MAP3K7: variants seen among roughly 807,000 people sequenced by gnomAD.
MAP3K7 encodes TGF-beta activated kinase 1.
MAP3K7 carries 21 observed loss-of-function variants against 84.8 expected under a neutral mutation model. That is an observed-to-expected ratio of 0.25 (90% CI 0.18 to 0.36). MAP3K7 has a LOEUF of 0.36. Among genes scored for constraint, MAP3K7 ranks in the 10% least tolerant of loss-of-function variants. The pLI, the probability that MAP3K7 is intolerant of heterozygous loss-of-function variation, is 1.00. For missense variants in MAP3K7, 503 were observed against 747.7 expected (o/e 0.67, Z 3.82); for synonymous variants, 241 against 247.7 (o/e 0.97, Z 0.25).
At chr6:90,577,707 G>A (rs2127783715) in intron 1 of MAP3K7, among the ~76,000 whole-genome samples, 1 of 152,330 alleles carries the variant, frequency 6.6e-6, no homozygotes, top group African/African-American at 2.4e-5. Flanking sequence ...CTCTAAAAGT[G>A]TGGTCTCCGG....
chr6:90,551,938 T>C lies in MAP3K7; in HGVS notation c.867+111A>G, dbSNP rs74320322. The stretch of plus-strand genomic sequence containing the variant: ...AATGCCCATTCTCACTTAGAAAACA[T>C]AGCAATATATAAAGCAGAATATAGT... On this transcript the variant is annotated intron_variant, in intron 8 of 16. Transcript: ENST00000369329. 617 of 1,187,018 alleles carry C rather than the reference T, an allele frequency of 5.2e-4. 5 individuals carry two copies. The African/African-American group carries it at 8.4e-3, about 16-fold the overall frequency. The allele number at this position is 1,187,018 out of a possible 1,614,324, so 73.5% of individuals were successfully genotyped here.
intron 3 of MAP3K7, among the ~76,000 whole-genome samples, chr6:90,562,200 G>A (rs1401932952): frequency 6.6e-6 from 1 of 152,214 alleles, no homozygotes; most frequent in Admixed American, 6.5e-5. Flanking sequence ...TCCAACTGAG[G>A]TACAGGGTTC....
intron 13 of MAP3K7, among the ~76,000 whole-genome samples, chr6:90,526,904 A>G (rs182248535): frequency 3.9e-5 from 6 of 152,252 alleles, no homozygotes; most frequent in Admixed American, 6.5e-5. Flanking sequence ...GTAAAAATCA[A>G]TATGTAAGGA....
rs916019605 is a variant in MAP3K7, at chr6:90,513,898, A to C, written c.*2603T>G. 3 of 152,110 alleles carry C rather than the reference A, an allele frequency of 2.0e-5. No individual in the cohort carries two copies. Among genetic ancestry groups the C allele is most frequent in the Non-Finnish European group, 4.4e-5 (3 of 67,994 alleles). 9.4% of individuals were successfully genotyped at this position (152,110 alleles called of 1,614,324 possible). On this transcript the variant is annotated 3_prime_UTR_variant, in exon 17 of 17. Coordinates refer to ENST00000369329, the MANE Select transcript of MAP3K7 (RefSeq NM_145331.3). ...AATACTTCAGCAAAAATAGTCAAACATCCGTAAACAACTTGTAACAAATCT... is the reference window on the plus strand; with the variant it reads ...AATACTTCAGCAAAAATAGTCAAACCTCCGTAAACAACTTGTAACAAATCT...
chr6:90,530,695 A>C (rs1224065955), intron 13 of MAP3K7, among the ~76,000 whole-genome samples: 1 of 152,222 alleles, frequency 6.6e-6, no homozygotes, highest in African/African-American at 2.4e-5. Context: ...TTTGTATAAA[A>C]AAACTAAGGA....
In MAP3K7 at chr6:90,558,308, C is replaced by T. The variant is rs35578586; in HGVS notation, c.483-1684G>A. 6.0e-3 allele frequency among the ~76,000 whole-genome samples: 902 copies of T among 151,334 alleles called. 14 individuals are homozygous for T. Among genetic ancestry groups the T allele is most frequent in the African/African-American group, 0.021 (861 of 41,170 alleles). On this transcript the variant is annotated intron_variant, in intron 5 of 16. Coordinates refer to ENST00000369329, the MANE Select transcript of MAP3K7 (RefSeq NM_145331.3). ...CTGCACTCCAGCCTGGGCGACAGAG[C>T]GAGACTGTGTCTCAAAATAAAAAAT...
intron 12 of MAP3K7, 57 bp from the exon 13 acceptor site, chr6:90,536,458 G>T: frequency 7.7e-7 from 1 of 1,301,358 alleles, no homozygotes; most frequent in Non-Finnish European, 1.1e-6. Flanking sequence ...GACAAAAAGC[G>T]TGTAATTGCT....
intron 2 of MAP3K7, among the ~76,000 whole-genome samples, chr6:90,570,541 G>A (rs986140201): frequency 6.6e-6 from 1 of 152,110 alleles, no homozygotes; most frequent in Admixed American, 6.6e-5. Flanking sequence ...ATCTGGACTG[G>A]GGACACCAAA....
intron 10 of MAP3K7, 126 bp from the exon 11 acceptor site, chr6:90,547,513 G>C: frequency 9.2e-7 from 1 of 1,082,346 alleles, no homozygotes; most frequent in Non-Finnish European, 1.3e-6. Flanking sequence ...AAAGGAGAGG[G>C]AAGTTTGTAC....
chr6:90,575,807 ATGT>A (rs1777055614), intron 1 of MAP3K7, among the ~76,000 whole-genome samples: 1 of 152,152 alleles, frequency 6.6e-6, no homozygotes, highest in Non-Finnish European at 1.5e-5. Context: ...GTGAGGCTTG[ATGT>A]TGAAAGAATA....
chr6:90,552,022 C>G (rs1439103726), intron 8 of MAP3K7, 27 bp downstream of exon 8: 1 of 1,577,452 alleles, frequency 6.3e-7, no homozygotes, highest in Non-Finnish European at 8.7e-7. Flanking sequence ...CCCCTAAATC[C>G]AAAGCCCCTC....
chr6:90,552,386 C>T (rs1159049720), intron 7 of MAP3K7, among the ~76,000 whole-genome samples: 1 of 152,104 alleles, frequency 6.6e-6, no homozygotes. Context: ...CAATTATTTA[C>T]TGACAACTGA....
At position 90,548,138 on chromosome 6, in the gene MAP3K7, T is replaced by C. The variant is rs1325197630; in HGVS notation, c.989A>G (p.Lys330Arg). Residue 330 changes from lysine (K) to arginine (R), a missense_variant, in exon 10 of 17, where the codon AAA becomes AGA. Physicochemically the swap from Lys to Arg is conservative, Grantham distance 26 (BLOSUM62 2). Coordinates refer to ENST00000369329, the MANE Select transcript of MAP3K7 (RefSeq NM_145331.3). ...MDIASTNTSN[K>R]SDTNMEQVPA... is the part of the protein sequence containing the mutation. ...AACTTGCTCCATATTAGTGTCACTT[T>C]TGTTACTCGTATTTGTAGAAGCAAT... The C allele has an allele frequency of 6.2e-7, 1 of 1,612,380 alleles. No homozygotes were observed. Among genetic ancestry groups the C allele is most frequent in the African/African-American group, 1.3e-5 (1 of 74,966 alleles).
At chr6:90,525,470 T>C (rs2127958284) in intron 13 of MAP3K7, among the ~76,000 whole-genome samples, 1 of 152,288 alleles carries the variant, frequency 6.6e-6, no homozygotes, top group African/African-American at 2.4e-5. Flanking sequence ...ATTACAGGCA[T>C]GAGCCACTGT....
At chr6:90,529,158 G>A (rs1360663257) in intron 13 of MAP3K7, among the ~76,000 whole-genome samples, 1 of 152,038 alleles carries the variant, frequency 6.6e-6, no homozygotes, top group East Asian at 1.9e-4. Flanking sequence ...TCTCACTCTG[G>A]CATTCATGAC....
intron 6 of MAP3K7, among the ~76,000 whole-genome samples, chr6:90,555,997 AC>A (rs1238632771): frequency 5.9e-5 from 9 of 152,244 alleles, no homozygotes; most frequent in Non-Finnish European, 7.3e-5. Flanking sequence ...AAAATTACCA[AC>A]AAAAATCACA....
At position 90,514,625 on chromosome 6, in the gene MAP3K7, T is replaced by C. The variant is rs1170120637; in HGVS notation, c.*1876A>G. On this transcript the variant is annotated 3_prime_UTR_variant, in exon 17 of 17. Transcript: ENST00000369329. ...ATCTGAAATCTCGAATGCTAAATCC[T>C]AATGGAAACATCAAGCCTTAGCATT... 3 of 152,056 alleles carry C rather than the reference T, an allele frequency of 2.0e-5. No individual in the cohort carries two copies. The highest frequency in any genetic ancestry group is 4.4e-5 in the Non-Finnish European group (3 of 67,962). The allele number at this position is 152,056 out of a possible 1,614,324, so 9.4% of individuals were successfully genotyped here. A position where few individuals can be genotyped will look rare whatever the true frequency, so the allele number is the denominator to read the frequency against.
At chr6:90,543,053 T>A (rs1775900831) in intron 12 of MAP3K7, among the ~76,000 whole-genome samples, 3 of 151,476 alleles carry the variant, frequency 2.0e-5, no homozygotes, top group African/African-American at 7.3e-5. Context: ...TAAATTTTCC[T>A]GATTCCCTCA....
chr6:90,553,284 T>C (rs1776237094), intron 7 of MAP3K7, among the ~76,000 whole-genome samples, 174 bp downstream of exon 7: 1 of 152,180 alleles, frequency 6.6e-6, no homozygotes, highest in Non-Finnish European at 1.5e-5. Flanking sequence ...CCTGCTCTGC[T>C]GGACTCTGGG....
Sources: allele counts gnomAD v4.1 joint callset (sites outside exome capture counted in the v4.1 genomes callset), GRCh38; gene constraint gnomAD v4.1.1; transcripts MANE v1.5; gene names NCBI Gene and HGNC (gene_info 2026-07-23, HGNC 2026-07-21).